Variants in AMY2B observed in about 807,000 individuals in gnomAD.
AMY2B encodes the protein alpha-amylase 2B.
A neutral mutation model predicts 59.3 loss-of-function variants in AMY2B; 63 were observed. That is an observed-to-expected ratio of 1.06 (90% CI 0.87 to 1.31). AMY2B has a LOEUF of 1.31. Among genes scored for constraint, AMY2B ranks in the 50% most tolerant of loss-of-function variants. The pLI is 0.00. For synonymous variants in AMY2B, 180 were observed against 198.1 expected (o/e 0.91, Z 0.77); for missense variants, 635 against 626.7 (o/e 1.01, Z -0.14).
At chr1:103,574,511 AATG>A (rs1341289274) in intron 5 of AMY2B, 118 bp downstream of exon 5, 34 of 1,569,226 alleles carry the variant, frequency 2.2e-5, no homozygotes, top group Non-Finnish European at 2.8e-5. Flanking sequence ...GTCAATTGTT[AATG>A]ATAAGTATTC....
At chr1:103,567,946 C>G (rs1257547396), upstream of AMY2B, among the ~76,000 whole-genome samples, 1 of 152,166 alleles carries the variant, frequency 6.6e-6, no homozygotes, top group East Asian at 1.9e-4. Context: ...TCTAATCCTT[C>G]AAATCACATC....
At chr1:103,566,511 A>AT (rs1385633041) in intron 2 of AMY2B, among the ~76,000 whole-genome samples, 1 of 152,128 alleles carries the variant, frequency 6.6e-6, no homozygotes, top group Non-Finnish European at 1.5e-5. Flanking sequence ...ATAAAAATAT[A>AT]TTTTTTTACT....
At chr1:103,571,153 G>A, upstream of AMY2B, 1 of 957,526 alleles carries the variant, frequency 1.0e-6, no homozygotes, top group Non-Finnish European at 1.3e-6. Flanking sequence ...TCCTTTCTTA[G>A]CTTCTGTTGT....
upstream of AMY2B, chr1:103,569,637 C>A (rs746017932): frequency 1.0e-5 from 4 of 399,948 alleles, no homozygotes; most frequent in Non-Finnish European, 2.0e-5. Flanking sequence ...CAACCCCCAG[C>A]CATGTTTCCT....
Position 103,573,779 on chromosome 1 carries a change from C to T in AMY2B, c.585C>T (p.Ala195=), listed in dbSNP as rs749647052. 1.4e-5 allele frequency: 22 copies of T among 1,613,594 alleles called. No individual in the cohort carries two copies. The highest frequency in any genetic ancestry group is 1.6e-4 in the Middle Eastern group (1 of 6,078). ...AAGATTATGTGCGTTCCAAGATTGCCGAATATATGAATCATCTCATTGACA... is the reference window on the plus strand; with the variant it reads ...AAGATTATGTGCGTTCCAAGATTGCTGAATATATGAATCATCTCATTGACA... ...LEKDYVRSKI[A]EYMNHLIDIG... Residue 195 remains alanine (A), a synonymous_variant, in exon 4 of 10, where the codon GCC becomes GCT. Transcript: ENST00000684275.
intron 7 of AMY2B, among the ~76,000 whole-genome samples, chr1:103,576,310 G>A (rs1652351410): frequency 6.6e-6 from 1 of 152,158 alleles, no homozygotes; most frequent in Non-Finnish European, 1.5e-5. Flanking sequence ...TTCAGTTTGA[G>A]AAGTCTGTTA....
exon 1 of AMY2B, chr1:103,554,821 T>A (rs567578339): frequency 1.3e-5 from 2 of 152,766 alleles, no homozygotes; most frequent in African/African-American, 4.8e-5. Context: ...CCTATAGATT[T>A]TGAAAATGTA....
exon 2 of AMY2B, chr1:103,565,569 A>G (rs1454252172): frequency 6.6e-6 from 1 of 152,178 alleles, no homozygotes. Context: ...AGGGACAACT[A>G]GACTTCAAGT....
upstream of AMY2B, chr1:103,570,058 G>T: frequency 2.3e-6 from 1 of 435,940 alleles, no homozygotes. Flanking sequence ...TAAGGGCTAC[G>T]CCCTCCCTGA....
intron 2 of AMY2B, among the ~76,000 whole-genome samples, chr1:103,572,463 T>G (rs1329057292): frequency 6.6e-6 from 1 of 152,212 alleles, no homozygotes; most frequent in Non-Finnish European, 1.5e-5. Context: ...GAAACAAGTT[T>G]AAAGCAGAAT....
At chr1:103,579,170 C>T (rs1652477655) in intron 9 of AMY2B, 141 bp from the exon 10 acceptor site, 2 of 1,528,684 alleles carry the variant, frequency 1.3e-6, no homozygotes, top group Non-Finnish European at 1.8e-6. Context: ...TTTACAACTA[C>T]TAGGGAGGCA....
upstream of AMY2B, chr1:103,568,466 T>A (rs1240043105): frequency 6.6e-6 from 1 of 152,194 alleles, no homozygotes; most frequent in Non-Finnish European, 1.5e-5. Context: ...AAAAAGTTAG[T>A]TTCTCCAATT....
At chr1:103,560,320 T>G (rs996734053) in intron 1 of AMY2B, among the ~76,000 whole-genome samples, 1 of 152,194 alleles carries the variant, frequency 6.6e-6, no homozygotes, top group African/African-American at 2.4e-5. Context: ...CAAACATTTT[T>G]AATTATAAAT....
At chr1:103,570,124 A>T (rs1309053876), upstream of AMY2B, 2 of 443,326 alleles carry the variant, frequency 4.5e-6, no homozygotes, top group Non-Finnish European at 9.0e-6. Flanking sequence ...CCTCATGAAG[A>T]TCCTTACCAA....
intron 2 of AMY2B, among the ~76,000 whole-genome samples, chr1:103,572,568 A>T (rs1313487651): frequency 6.6e-6 from 1 of 152,134 alleles, no homozygotes; most frequent in African/African-American, 2.4e-5. Context: ...TCCAGTTACA[A>T]TATTTGCTAT....
Position 103,571,649 on chromosome 1 carries a change from A to G in AMY2B, c.47A>G (p.Gln16Arg). 3.7e-6 allele frequency: 6 copies of G among 1,611,942 alleles called. No individual in the cohort carries two copies. Among genetic ancestry groups the G allele is most frequent in the Non-Finnish European group, 5.1e-6 (6 of 1,179,814 alleles). Residue 16 changes from glutamine to arginine, a missense_variant, in exon 1 of 10, where the codon CAG (glutamine) becomes CGG (arginine). Gln to Arg is a conservative substitution (Grantham distance 43). Coordinates refer to ENST00000684275, the MANE Select transcript of AMY2B (RefSeq NM_001387437.1). Reference sequence around the variant, plus strand: ...TTCACCATTGGGTTCTGCTGGGCTCAGTATTCCCCAAATACACAACAAGGA... The same window carrying G: ...TTCACCATTGGGTTCTGCTGGGCTCGGTATTCCCCAAATACACAACAAGGA... ...LLFTIGFCWA[Q>R]YSPNTQQGRT...
intron 1 of AMY2B, among the ~76,000 whole-genome samples, chr1:103,556,937 AAAT>A (rs1363066405): frequency 6.6e-6 from 1 of 152,140 alleles, no homozygotes; most frequent in Non-Finnish European, 1.5e-5. Context: ...TCATGCTAAC[AAAT>A]AATGACCTCA....
rs537404573 is a variant in AMY2B, at chr1:103,572,074, A to G, written c.169-36A>G. 57 of 1,611,366 alleles carry G rather than the reference A, an allele frequency of 3.5e-5. No homozygotes were observed. The East Asian group carries it at 1.3e-3, about 35-fold the overall frequency. On this transcript the variant is annotated intron_variant, in intron 1 of 9. Transcript: ENST00000684275. ...CTAGAACATTCAATGATATAGAGTAAGAATTTGGTAGTTATGAAGACTGTT... is the reference window on the plus strand; with the variant it reads ...CTAGAACATTCAATGATATAGAGTAGGAATTTGGTAGTTATGAAGACTGTT...
chr1:103,574,118 A>C, intron 4 of AMY2B, 142 bp from the exon 5 acceptor site: 3 of 1,475,498 alleles, frequency 2.0e-6, no homozygotes, highest in Non-Finnish European at 1.8e-6. Context: ...AAACAAAACA[A>C]GACAAAAAGA....
Sources: allele counts gnomAD v4.1 joint callset (sites outside exome capture counted in the v4.1 genomes callset), GRCh38; gene constraint gnomAD v4.1.1; transcripts MANE v1.5; gene names NCBI Gene and HGNC (gene_info 2026-07-23, HGNC 2026-07-21).